Variants in TSC22D1 observed in about 807,000 individuals in gnomAD.
TSC22D1 encodes TSC22 domain family member 1, also known as TSC22 domain family protein 1.
A neutral mutation model predicts 74.2 loss-of-function variants in TSC22D1; 9 were observed. That is an observed-to-expected ratio of 0.12 (90% CI 0.07 to 0.21). The LOEUF is 0.21. Among genes scored for constraint, TSC22D1 ranks in the 10% least tolerant of loss-of-function variants. The pLI is 1.00. For missense variants in TSC22D1, 1,427 were observed against 1,304.7 expected (o/e 1.09, Z -1.44); for synonymous variants, 586 against 492.5 (o/e 1.19, Z -2.51).
chr13:44,523,847 G>A (rs1880428627), intron 1 of TSC22D1, among the ~76,000 whole-genome samples: 2 of 152,162 alleles, frequency 1.3e-5, no homozygotes, highest in South Asian at 4.1e-4. Context: ...TCCTTAAGAT[G>A]ATGTATGAAA....
At chr13:44,516,165 C>T (rs1879968942) in intron 1 of TSC22D1, among the ~76,000 whole-genome samples, 1 of 152,078 alleles carries the variant, frequency 6.6e-6, no homozygotes, top group South Asian at 2.1e-4. Flanking sequence ...CGGAATAATA[C>T]ATTACTTGAC....
intron 1 of TSC22D1, among the ~76,000 whole-genome samples, chr13:44,527,420 A>G (rs1880600017): frequency 6.6e-6 from 1 of 152,182 alleles, no homozygotes; most frequent in African/African-American, 2.4e-5. Context: ...GCTATGTTAT[A>G]AGGTACCAGC....
intron 1 of TSC22D1, among the ~76,000 whole-genome samples, chr13:44,517,859 T>TATA (rs1566149994): frequency 1.9e-3 from 27 of 14,324 alleles, no homozygotes; most frequent in East Asian, 9.4e-3. Context: ...ATATATATAT[T>TATA]TTTTTTTTTT....
In TSC22D1 at chr13:44,468,673, C is replaced by T. The variant is rs113945338; in HGVS notation, c.2913-32578G>A. Among the ~76,000 whole-genome samples the T allele has an allele frequency of 3.7e-4, 56 of 149,978 alleles. 3 individuals carry two copies. The highest frequency in any genetic ancestry group is 1.2e-3 in the African/African-American group (50 of 41,342). On this transcript the variant is annotated intron_variant, in intron 1 of 2. Transcript: ENST00000458659. ...GGAACCGCTATACTATGGGAATGTTCAAGTCGCTTTAGCCATTTCACTCTT... is the reference window on the plus strand; with the variant it reads ...GGAACCGCTATACTATGGGAATGTTTAAGTCGCTTTAGCCATTTCACTCTT...
intron 1 of TSC22D1, among the ~76,000 whole-genome samples, chr13:44,508,336 T>C (rs1879530481): frequency 6.6e-6 from 1 of 152,190 alleles, no homozygotes; most frequent in South Asian, 2.1e-4. Flanking sequence ...GTGAGCTTGG[T>C]TAAAGTATGA....
intron 1 of TSC22D1, among the ~76,000 whole-genome samples, chr13:44,519,943 C>G (rs1280178112): frequency 6.6e-6 from 1 of 152,116 alleles, no homozygotes; most frequent in Non-Finnish European, 1.5e-5. Flanking sequence ...GCATACATAA[C>G]TGAACACATG....
chr13:44,443,469 G>T (rs1048330138), intron 1 of TSC22D1, among the ~76,000 whole-genome samples: 2 of 152,094 alleles, frequency 1.3e-5, no homozygotes, highest in African/African-American at 4.8e-5. Context: ...GAAAAAACTA[G>T]ATCTACGCAA....
At chr13:44,539,724 C>T (rs1343281702) in intron 1 of TSC22D1, 1 of 1,226,472 alleles carries the variant, frequency 8.2e-7, no homozygotes, top group African/African-American at 1.6e-5. Context: ...GAAGGACACT[C>T]CAATCTATAA....
rs148701176 is a variant in TSC22D1, at chr13:44,559,100, A to G, written c.2912+14063T>C. Among the ~76,000 whole-genome samples the G allele has an allele frequency of 1.8e-4, 27 of 152,346 alleles. 1 individual carries two copies. In the East Asian group the frequency reaches 4.8e-3, roughly 27 times the overall value. The stretch of plus-strand genomic sequence containing the variant: ...GTTTAAAACTCTTATTCCAAATTCT[A>G]CAGTAAAATGAACCATCAACCAAAG... On this transcript the variant is annotated intron_variant, in intron 1 of 2. Coordinates refer to ENST00000458659, the MANE Select transcript of TSC22D1 (RefSeq NM_183422.4).
At chr13:44,534,873 C>T (rs886458589) in intron 1 of TSC22D1, among the ~76,000 whole-genome samples, 3 of 152,060 alleles carry the variant, frequency 2.0e-5, no homozygotes, top group African/African-American at 7.2e-5. Flanking sequence ...CAAAAATATT[C>T]CAGGCAATAA....
intron 1 of TSC22D1, among the ~76,000 whole-genome samples, chr13:44,551,521 A>T (rs2138151090): frequency 6.6e-6 from 1 of 151,918 alleles, no homozygotes; most frequent in South Asian, 2.1e-4. Flanking sequence ...CCCAGGTTCA[A>T]GCAATTCTCG....
intron 1 of TSC22D1, among the ~76,000 whole-genome samples, chr13:44,491,553 C>CA (rs1166772028): frequency 0.038 from 2,104 of 55,182 alleles, 14 homozygotes; most frequent in Non-Finnish European, 0.056. Flanking sequence ...GACTCCGTCT[C>CA]AAAAAAAAAA....
At chr13:44,442,748 C>G (rs146818570) in intron 1 of TSC22D1, among the ~76,000 whole-genome samples, 44 of 151,744 alleles carry the variant, frequency 2.9e-4, no homozygotes, top group Middle Eastern at 3.4e-3. Flanking sequence ...GAAACCCCAT[C>G]TCTACTAAAA....
chr13:44,453,574 T>A (rs1326712513), intron 1 of TSC22D1, among the ~76,000 whole-genome samples: 1 of 152,246 alleles, frequency 6.6e-6, no homozygotes, highest in Non-Finnish European at 1.5e-5. Context: ...CAAGGAGACA[T>A]ATGTTTAACA....
intron 2 of TSC22D1, 89 bp from the exon 3 acceptor site, chr13:44,434,972 C>G (rs945879357): frequency 9.6e-6 from 11 of 1,151,428 alleles, no homozygotes; most frequent in Non-Finnish European, 1.2e-5. Flanking sequence ...CATGGATCTC[C>G]CTAACTATTT....
intron 1 of TSC22D1, among the ~76,000 whole-genome samples, chr13:44,467,431 C>A: frequency 6.6e-6 from 1 of 151,822 alleles, no homozygotes. Flanking sequence ...TTCTGCACAG[C>A]AAAAGAAATA....
At chr13:44,478,303 T>A in intron 1 of TSC22D1, among the ~76,000 whole-genome samples, 1 of 152,164 alleles carries the variant, frequency 6.6e-6, no homozygotes, top group Non-Finnish European at 1.5e-5. Flanking sequence ...ATATTACTAA[T>A]ATTGAACTCC....
intron 1 of TSC22D1, among the ~76,000 whole-genome samples, chr13:44,505,174 A>G (rs560356537): frequency 3.9e-5 from 6 of 152,322 alleles, no homozygotes; most frequent in Non-Finnish European, 8.8e-5. Flanking sequence ...CATGCCTGCA[A>G]TCCCAGAACT....
Position 44,575,837 on chromosome 13 carries a change from G to T in TSC22D1, c.238C>A (p.Pro80Thr), listed in dbSNP as rs140514784. Residue 80 changes from proline (P) to threonine (T), a missense_variant, in exon 1 of 3, where the codon CCG (proline) becomes ACG (threonine). By Grantham distance (38) the Pro-to-Thr change is conservative. This residue lies in a region of TSC22D1 where 1,343 missense variants were observed against 1,191.5 expected (regional missense o/e 1.13). Coordinates refer to ENST00000458659, the MANE Select transcript of TSC22D1 (RefSeq NM_183422.4). ...AASSTSGPQP[P>T]PPQSLNLLSQ... is the part of the protein sequence containing the mutation. ...AGGAGGTTCAGGCTTTGTGGAGGCG[G>T]AGGCTGTGGTCCCGACGTAGAAGAT... 4.3e-6 allele frequency: 7 copies of T among 1,614,014 alleles called. No individual in the cohort carries two copies. Among genetic ancestry groups the T allele is most frequent in the Non-Finnish European group, 8.5e-7 (1 of 1,180,016 alleles).
Sources: allele counts gnomAD v4.1 joint callset (sites outside exome capture counted in the v4.1 genomes callset), GRCh38; gene constraint gnomAD v4.1.1; regional missense constraint gnomAD v4.1.1; transcripts MANE v1.5; gene names NCBI Gene and HGNC (gene_info 2026-07-23, HGNC 2026-07-21).